The following SACS variants were observed in gnomAD, a reference collection of about 807,000 sequenced individuals.
SACS encodes the protein sacsin molecular chaperone.
In SACS, 197 loss-of-function variants were observed where a neutral mutation model predicts 348.0. That is an observed-to-expected ratio of 0.57 (90% CI 0.50 to 0.64). The LOEUF (loss-of-function observed/expected upper bound fraction) is 0.64, where lower values mean the gene tolerates loss of function less well. SACS is among the 30% of genes least tolerant of loss of function. SACS has a pLI of 0.00. For synonymous variants in SACS, 1,985 were observed against 1,910.6 expected, an observed-to-expected ratio of 1.04 and a Z score of -1.02; for missense variants, 4,999 against 5,360.8, an observed-to-expected ratio of 0.93 and a Z score of 2.11.
At chr13:23,365,411 A>T (rs546846821) in intron 5 of SACS, 134 bp from the exon 6 acceptor site, 1 of 614,084 alleles carries the variant, frequency 1.6e-6, no homozygotes, top group African/African-American at 1.9e-5. Flanking sequence ...CATTACCTTT[A>T]AGATCTGGTG....
chr13:23,420,262 A>C (rs545536897), intron 1 of SACS, among the ~76,000 whole-genome samples: 2 of 152,036 alleles, frequency 1.3e-5, no homozygotes, highest in Admixed American at 6.6e-5. Flanking sequence ...TAGATTATCT[A>C]TGTGGGGACT....
rs2137729069 is a variant in SACS at position 23,355,937 on chromosome 13, A to C, written c.675T>G (p.His225Gln). 6.2e-7 allele frequency: 1 copy of C among 1,614,146 alleles called. No individual in the cohort carries two copies. Residue 225 changes from histidine to glutamine, a missense_variant, in exon 8 of 10, where the codon CAT becomes CAG. His to Gln is a conservative substitution (Grantham distance 24). Around this residue, in one of 6 missense-constraint regions of SACS, gnomAD observed 3,156 missense variants for 3,380.1 expected, o/e 0.93. Coordinates refer to ENST00000382292, the MANE Select transcript of SACS (RefSeq NM_014363.6). ...TGAGATTCCAACATTGGCCTGATTC[A>C]TGTGGGCCAAAAAGTGTTTGATGAG... is the stretch of plus-strand genomic sequence containing the variant. ...LDPHQTLFGP[H>Q]ESGQCWNLKD...
chr13:23,333,720 C>A lies in SACS; in HGVS notation c.10156G>T (p.Ala3386Ser). 6.2e-7 allele frequency: 1 copy of A among 1,613,644 alleles called. No homozygotes were observed. The highest frequency in any genetic ancestry group is 1.1e-5 in the South Asian group (1 of 91,066). Reference sequence around the variant, plus strand: ...TTGCAGTTGAAATACATCAAAAGTGCCTCAAAATCATTTTCTACTAATTTT... The same window carrying A: ...TTGCAGTTGAAATACATCAAAAGTGACTCAAAATCATTTTCTACTAATTTT... ...AEKLVENDFE[A>S]LLMYFNCNLN... Residue 3386 changes from alanine (A) to serine (S), a missense_variant, in exon 10 of 10, where the codon GCA becomes TCA. Physicochemically the swap from Ala to Ser is moderately conservative, Grantham distance 99 (BLOSUM62 1). This residue lies in a region of SACS where 734 missense variants were observed against 694.0 expected (regional missense o/e 1.06). Coordinates refer to ENST00000382292, the MANE Select transcript of SACS (RefSeq NM_014363.6).
rs763841642 is a variant in SACS at position 23,337,650 on chromosome 13, A to T, written c.6226T>A (p.Leu2076Ile). Residue 2076 changes from leucine (L) to isoleucine (I), a missense_variant, in exon 10 of 10, where the codon TTA becomes ATA. Around this residue, in one of 6 missense-constraint regions of SACS, gnomAD observed 3,156 missense variants for 3,380.1 expected, o/e 0.93. Transcript: ENST00000382292. ...QEIEAELRDP[L>I]MIFVLNEKVD... is the part of the protein sequence containing the mutation. ...TTTTCATTTAGAACAAAGATCATTA[A>T]AGGATCTCTAAGTTCTGCTTCAATT... 1 of 1,613,658 alleles carries T rather than the reference A, an allele frequency of 6.2e-7. No homozygotes were observed. The highest frequency in any genetic ancestry group is 8.5e-7 in the Non-Finnish European group (1 of 1,179,876).
intron 1 of SACS, among the ~76,000 whole-genome samples, chr13:23,412,141 C>A (rs1324744263): frequency 6.6e-6 from 1 of 152,088 alleles, no homozygotes. Context: ...CGCCTGTAGT[C>A]CCAGCTACTT....
intron 1 of SACS, among the ~76,000 whole-genome samples, chr13:23,429,810 A>G (rs1874362889): frequency 1.3e-5 from 2 of 152,202 alleles, no homozygotes; most frequent in African/African-American, 2.4e-5. Context: ...AATCTTGGGT[A>G]CTTTTTATTA....
intron 1 of SACS, among the ~76,000 whole-genome samples, chr13:23,414,537 T>TA (rs1873627249): frequency 1.3e-5 from 1 of 76,410 alleles, no homozygotes; most frequent in South Asian, 5.5e-4. Context: ...ACTGAATCTC[T>TA]AATTCCAGTT....
chr13:23,379,736 A>C (rs1375868557), intron 2 of SACS, among the ~76,000 whole-genome samples: 1 of 152,188 alleles, frequency 6.6e-6, no homozygotes, highest in Non-Finnish European at 1.5e-5. Flanking sequence ...AGATTGAAGA[A>C]TAGGATGATA....
chr13:23,372,239 G>C (rs2051760613), intron 3 of SACS, among the ~76,000 whole-genome samples: 1 of 152,192 alleles, frequency 6.6e-6, no homozygotes, highest in South Asian at 2.1e-4. Context: ...ACTCAGTTTT[G>C]TGTTCTAGAG....
At chr13:23,419,427 C>T (rs1873828930) in intron 1 of SACS, 1 of 152,246 alleles carries the variant, frequency 6.6e-6, no homozygotes, top group Non-Finnish European at 1.5e-5. Flanking sequence ...GGCCTAGAGG[C>T]CGTCTAGGAG....
intron 2 of SACS, among the ~76,000 whole-genome samples, chr13:23,378,477 T>A (rs976060221): frequency 6.6e-6 from 1 of 150,764 alleles, no homozygotes; most frequent in Admixed American, 6.6e-5. Flanking sequence ...CTCTTGCAAA[T>A]TTTTTTTTTC....
Position 23,433,614 on chromosome 13 carries a change from C to G in SACS, c.-502+1G>C, listed in dbSNP as rs1470472008. ...CCACCCAGCTGGAACCTTGGACTTA[C>G]TGGGGGCTGTGGGCATCAGGGTCTC... is the stretch of plus-strand genomic sequence containing the variant. On this transcript the variant is annotated splice_donor_variant, in intron 1 of 9. Coordinates refer to ENST00000382292, the MANE Select transcript of SACS (RefSeq NM_014363.6). LOFTEE classifies it low-confidence loss of function (5UTR_SPLICE). The G allele has an allele frequency of 1.3e-5, 2 of 152,494 alleles. No individual in the cohort carries two copies. Among genetic ancestry groups the G allele is most frequent in the Non-Finnish European group, 2.9e-5 (2 of 68,272 alleles). 9.4% of individuals were successfully genotyped at this position (152,494 alleles called of 1,614,324 possible).
chr13:23,368,292 G>C (rs1444049652), intron 5 of SACS, 110 bp downstream of exon 5: 1 of 741,180 alleles, frequency 1.3e-6, no homozygotes, highest in Non-Finnish European at 2.3e-6. Context: ...ACAGCTATTT[G>C]AATCTAGACA....
In SACS at chr13:23,411,277, G is replaced by T. The variant is rs1396264683; in HGVS notation, c.-38C>A. The stretch of plus-strand genomic sequence containing the variant: ...TGGGATATTTGTTTGTGAAAACCAT[G>T]AAAGTACGCTTCTTTCTTCTGTTTA... On this transcript the variant is annotated 5_prime_UTR_variant, in exon 2 of 10. Transcript: ENST00000382292. 6.3e-7 allele frequency: 1 copy of T among 1,585,156 alleles called. No individual in the cohort carries two copies. The highest frequency in any genetic ancestry group is 2.2e-5 in the East Asian group (1 of 44,666).
rs748152699 is a variant in SACS, at chr13:23,329,418, TAAC to T, written c.*715_*717del. On this transcript the variant is annotated 3_prime_UTR_variant, in exon 10 of 10. Transcript: ENST00000382292. ...GGCAAGCAGTTTCCAGAAACAATAC[TAAC>T]AACTGGTAATAAGAACTGCCACCAT... 9.1e-6 allele frequency: 7 copies of T among 767,900 alleles called. No homozygotes were observed. In the South Asian group the frequency reaches 9.8e-5, roughly 11 times the overall value. 47.6% of individuals were successfully genotyped at this position (767,900 alleles called of 1,614,324 possible).
intron 9 of SACS, among the ~76,000 whole-genome samples, chr13:23,352,639 C>T (rs1050523145): frequency 2.0e-5 from 3 of 151,688 alleles, no homozygotes; most frequent in East Asian, 3.8e-4. Context: ...TATAATACAA[C>T]ATTAAAAAAA....
At position 23,333,600 on chromosome 13, in the gene SACS, A is replaced by G. The variant is rs1883631517; in HGVS notation, c.10276T>C (p.Phe3426Leu). Residue 3426 changes from phenylalanine (F) to leucine (L), a missense_variant, in exon 10 of 10, where the codon TTT becomes CTT. Physicochemically the swap from Phe to Leu is conservative, Grantham distance 22. Coordinates refer to ENST00000382292, the MANE Select transcript of SACS (RefSeq NM_014363.6). ...ISGRYVSIGK[F>L]GTCYVLTKSI... ...TTTGTAAGTACGTAGCATGTTCCAA[A>G]TTTTCCAATGCTTACATAGCGGCCA... is the stretch of plus-strand genomic sequence containing the variant. The G allele has an allele frequency of 6.2e-7, 1 of 1,613,546 alleles. No homozygotes were observed. Among genetic ancestry groups the G allele is most frequent in the African/African-American group, 1.3e-5 (1 of 74,856 alleles).
chr13:23,403,177 T>TA (rs879882036), intron 2 of SACS, among the ~76,000 whole-genome samples: 1,800 of 139,094 alleles, frequency 0.013, 26 homozygotes, highest in African/African-American at 0.041. Flanking sequence ...GACTCCACCT[T>TA]AAAAAAAAAA....
Position 23,336,765 on chromosome 13 carries a change from G to T in SACS, c.7111C>A (p.Leu2371Ile), listed in dbSNP as rs1233373232. 6 of 1,613,770 alleles carry T rather than the reference G, an allele frequency of 3.7e-6. No individual in the cohort carries two copies. Among genetic ancestry groups the T allele is most frequent in the Non-Finnish European group, 5.1e-6 (6 of 1,179,860 alleles). ...TTATACTTATTAGGCAACTGATAAA[G>T]GTATGGTGCCGCCTCAAAATTTAAA... Reference protein sequence around the residue: ...FHLNFEAAPYLYQLPNKYKNN... With the variant: ...FHLNFEAAPYIYQLPNKYKNN... Residue 2371 changes from leucine to isoleucine, a missense_variant, in exon 10 of 10, where the codon CTT (leucine) becomes ATT (isoleucine). By Grantham distance (5) the Leu-to-Ile change is conservative. Around this residue, in one of 6 missense-constraint regions of SACS, gnomAD observed 3,156 missense variants for 3,380.1 expected, o/e 0.93. Transcript: ENST00000382292.
Sources: allele counts gnomAD v4.1 joint callset (sites outside exome capture counted in the v4.1 genomes callset), GRCh38; gene constraint gnomAD v4.1.1; regional missense constraint gnomAD v4.1.1; transcripts MANE v1.5; gene names NCBI Gene and HGNC (gene_info 2026-07-23, HGNC 2026-07-21).